PHACTR3: variants seen among roughly 807,000 people sequenced by gnomAD.
PHACTR3 encodes protein phosphatase 1, regulatory subunit 123.
A neutral mutation model predicts 66.8 loss-of-function variants in PHACTR3; 16 were observed. The ratio of observed to expected loss-of-function variants is 0.24; its 90% CI spans 0.16 to 0.36. PHACTR3 has a LOEUF of 0.36. Among genes scored for constraint, PHACTR3 ranks in the 10% least tolerant of loss-of-function variants. PHACTR3 has a pLI of 1.00. For missense variants in PHACTR3, 647 were observed against 719.9 expected (o/e 0.90, Z 1.16); for synonymous variants, 323 against 292.1 (o/e 1.11, Z -1.08).
intron 1 of PHACTR3, among the ~76,000 whole-genome samples, chr20:59,638,376 G>GTGGATGGATGGA (rs934562368): frequency 7.0e-6 from 1 of 143,860 alleles, no homozygotes; most frequent in South Asian, 2.2e-4. Context: ...TGGGTTGGTG[G>GTGGATGGATGGA]TGGATGGATG....
chr20:59,699,466 G>T (rs1185071174), intron 1 of PHACTR3, among the ~76,000 whole-genome samples: 1 of 152,152 alleles, frequency 6.6e-6, no homozygotes, highest in East Asian at 1.9e-4. Flanking sequence ...CCTAGATGTT[G>T]TCATTCCCCT....
chr20:59,655,302 T>C (rs1193594406), intron 1 of PHACTR3, among the ~76,000 whole-genome samples: 1 of 152,074 alleles, frequency 6.6e-6, no homozygotes, highest in African/African-American at 2.4e-5. Flanking sequence ...ACAATTCACA[T>C]ACTATACACT....
intron 1 of PHACTR3, chr20:59,628,715 A>G: frequency 2.0e-6 from 2 of 985,472 alleles, no homozygotes; most frequent in Non-Finnish European, 2.4e-6. Flanking sequence ...GATTCCCCAT[A>G]GTACCTACTA....
chr20:59,585,623 G>T (rs909262232), intron 1 of PHACTR3, among the ~76,000 whole-genome samples: 1 of 152,180 alleles, frequency 6.6e-6, no homozygotes, highest in South Asian at 2.1e-4. Context: ...ATTTTTGTGT[G>T]CAGGGCATGC....
At chr20:59,819,863 G>A (rs184676695) in intron 8 of PHACTR3, among the ~76,000 whole-genome samples, 214 of 152,340 alleles carry the variant, frequency 1.4e-3, no homozygotes, top group African/African-American at 4.5e-3. Context: ...TGCTGTACCG[G>A]TACTGGCCAC....
intron 1 of PHACTR3, among the ~76,000 whole-genome samples, chr20:59,648,863 C>T (rs541020745): frequency 6.6e-6 from 1 of 152,280 alleles, no homozygotes; most frequent in Admixed American, 6.5e-5. Context: ...AGCCTGTGTC[C>T]CCCATAGGAG....
chr20:59,635,907 G>A (rs566980103), intron 1 of PHACTR3, among the ~76,000 whole-genome samples: 28 of 152,218 alleles, frequency 1.8e-4, no homozygotes, highest in Non-Finnish European at 2.8e-4. Flanking sequence ...AAGCTGCTCA[G>A]TGATGAGTGT....
rs772718154 is a variant in PHACTR3, at chr20:59,641,286, G to GTCTA, written c.118+36158_118+36161dup. On this transcript the variant is annotated intron_variant, in intron 1 of 12. Coordinates refer to ENST00000371015, the MANE Select transcript of PHACTR3 (RefSeq NM_080672.5). ...ATTTTCATCCATTCATCCATTGTCT[G>GTCTA]TCTATCTGTCTATCTAGATGTATTA... is the stretch of plus-strand genomic sequence containing the variant. Among the ~76,000 whole-genome samples the GTCTA allele has an allele frequency of 2.9e-4, 44 of 151,998 alleles. 1 individual carries two copies. The East Asian group carries it at 5.0e-3, about 17-fold the overall frequency.
chr20:59,631,517 G>A (rs1214831392), intron 1 of PHACTR3, among the ~76,000 whole-genome samples: 2 of 152,044 alleles, frequency 1.3e-5, no homozygotes, highest in African/African-American at 2.4e-5. Context: ...CAGTTTACAG[G>A]GGCCTTGACA....
At chr20:59,591,436 G>A (rs1200313059) in intron 1 of PHACTR3, among the ~76,000 whole-genome samples, 2 of 152,186 alleles carry the variant, frequency 1.3e-5, no homozygotes, top group African/African-American at 4.8e-5. Context: ...CACCATGCGG[G>A]GAACTTGGTG....
chr20:59,764,717 T>C (rs1388654942), intron 4 of PHACTR3, among the ~76,000 whole-genome samples: 1 of 152,176 alleles, frequency 6.6e-6, no homozygotes, highest in Admixed American at 6.5e-5. Flanking sequence ...CCTGAGAGCG[T>C]AACCCATTCA....
At chr20:59,775,095 A>G (rs111497724) in intron 7 of PHACTR3, among the ~76,000 whole-genome samples, 289 of 106,298 alleles carry the variant, frequency 2.7e-3, no homozygotes, top group Admixed American at 5.3e-3. Context: ...CCATGAGGTA[A>G]TTGCTCCATC....
At chr20:59,756,995 G>C (rs1205419009) in intron 4 of PHACTR3, among the ~76,000 whole-genome samples, 1 of 152,180 alleles carries the variant, frequency 6.6e-6, no homozygotes, top group Non-Finnish European at 1.5e-5. Context: ...AATCTACGAA[G>C]AATTCAAACA....
At chr20:59,709,111 T>C (rs773449719) in intron 1 of PHACTR3, among the ~76,000 whole-genome samples, 27 of 152,296 alleles carry the variant, frequency 1.8e-4, no homozygotes, top group Non-Finnish European at 3.7e-4. Flanking sequence ...CCTAGAAAAA[T>C]GGAGACCCAG....
At chr20:59,837,316 T>C (rs1245015457) in intron 9 of PHACTR3, among the ~76,000 whole-genome samples, 1 of 152,254 alleles carries the variant, frequency 6.6e-6, no homozygotes, top group Non-Finnish European at 1.5e-5. Context: ...TGATGAATAC[T>C]GCAGACTTTC....
chr20:59,759,138 G>C (rs1012880534), intron 4 of PHACTR3, among the ~76,000 whole-genome samples: 1 of 152,122 alleles, frequency 6.6e-6, no homozygotes, highest in African/African-American at 2.4e-5. Context: ...TGTGTGTTTT[G>C]GGATGTGGGG....
At chr20:59,770,659 T>C (rs1568801953) in intron 5 of PHACTR3, among the ~76,000 whole-genome samples, 1 of 152,242 alleles carries the variant, frequency 6.6e-6, no homozygotes, top group Admixed American at 6.5e-5. Context: ...TTGAAAAGTC[T>C]TCATCTCTGA....
chr20:59,682,892 A>G (rs1289020653), intron 1 of PHACTR3, among the ~76,000 whole-genome samples: 6 of 152,162 alleles, frequency 3.9e-5, no homozygotes, highest in Admixed American at 3.9e-4. Flanking sequence ...CTCTGCCAGC[A>G]CTTGGGCTTT....
At chr20:59,785,218 CCTCT>C (rs1267030819) in intron 7 of PHACTR3, among the ~76,000 whole-genome samples, 2 of 152,146 alleles carry the variant, frequency 1.3e-5, no homozygotes, top group African/African-American at 4.8e-5. Flanking sequence ...TCCAGTGAGG[CCTCT>C]CTCTGTGTCT....
Sources: gnomAD v4.1 joint callset for allele counts (sites outside exome capture counted in the v4.1 genomes callset) on GRCh38, gnomAD v4.1.1 for gene constraint, MANE v1.5 for transcripts, NCBI Gene and HGNC (gene_info 2026-07-23, HGNC 2026-07-21) for gene names.